The following VPS16 variants were observed in gnomAD, a reference collection of about 807,000 sequenced individuals.
VPS16 encodes the protein vacuolar protein sorting-associated protein 16 homolog.
In VPS16, 82 loss-of-function variants were observed where a neutral mutation model predicts 116.0. That is an observed-to-expected ratio of 0.71 (90% CI 0.59 to 0.85). The LOEUF (loss-of-function observed/expected upper bound fraction) is 0.85. Ranked by LOEUF, VPS16 falls within the 40% of genes least tolerant of loss-of-function variation. The pLI, the probability that VPS16 is intolerant of heterozygous loss-of-function variation, is 0.00. For missense variants in VPS16, 928 were observed against 1,090.6 expected, an observed-to-expected ratio of 0.85 and a Z score of 2.10; for synonymous variants, 406 against 420.7, an observed-to-expected ratio of 0.96 and a Z score of 0.43.
At chr20:2,841,985 C>T (rs1291171373) in intron 1 of VPS16, among the ~76,000 whole-genome samples, 1 of 152,114 alleles carries the variant, frequency 6.6e-6, no homozygotes, top group African/African-American at 2.4e-5. Context: ...GAACTTCTGA[C>T]CTTAAGCAAT....
intron 1 of VPS16, among the ~76,000 whole-genome samples, chr20:2,842,907 T>TCTATCGATAGATA (rs1240433377): frequency 3.2e-4 from 49 of 151,186 alleles, no homozygotes; most frequent in African/African-American, 6.3e-4. Flanking sequence ...GATAGATATA[T>TCTATCGATAGATA]GTTATGGATT....
At chr20:2,861,511 A>T in intron 8 of VPS16, 104 bp from the exon 9 acceptor site, 1 of 1,411,020 alleles carries the variant, frequency 7.1e-7, no homozygotes, top group African/African-American at 1.4e-5. Context: ...ACAGTCAGTG[A>T]TGCAAGTGTA....
Position 2,847,686 on chromosome 20 carries a change from T to C in VPS16, c.53+6859T>C, listed in dbSNP as rs138743060. On this transcript the variant is annotated intron_variant, in intron 1 of 23. Transcript: ENST00000380445. ...TAGAGACGAGGTTTCACCATGTTGG[T>C]AAGGATGGTCTTGATCTCCTGACCT... 5.2e-3 allele frequency among the ~76,000 whole-genome samples: 797 copies of C among 152,026 alleles called. 5 individuals carry two copies. Among genetic ancestry groups the C allele is most frequent in the African/African-American group, 0.018 (737 of 41,458 alleles).
Position 2,864,800 on chromosome 20 carries a change from TGGG to T in VPS16, c.1926+149_1926+151del, listed in dbSNP as rs1226750643. On this transcript the variant is annotated intron_variant, in intron 19 of 23. Transcript: ENST00000380445. This position sits in a 1 kb window ranked among gnomAD's most constrained non-coding sequence, Gnocchi z 5.2. ...GGGAGACTCTGACGTGAGGCCAGGATGGGGGTTAGTGTCAGAGGAGCTAGCCAT... is the reference window on the plus strand; with the variant it reads ...GGGAGACTCTGACGTGAGGCCAGGATGGTTAGTGTCAGAGGAGCTAGCCAT... 8.7e-7 allele frequency: 1 copy of T among 1,143,918 alleles called. No homozygotes were observed. Among genetic ancestry groups the T allele is most frequent in the East Asian group, 2.4e-5 (1 of 40,944 alleles). The allele number at this position is 1,143,918 out of a possible 1,614,324, so 70.9% of individuals were successfully genotyped here. A position where few individuals can be genotyped will look rare whatever the true frequency, so the allele number is the denominator to read the frequency against.
In VPS16 at chr20:2,842,773, T is replaced by G. The variant is rs1252875172; in HGVS notation, c.53+1946T>G. On this transcript the variant is annotated intron_variant, in intron 1 of 23. Transcript: ENST00000380445. ...AGATGTATCTATCTATAGATAGACA[T>G]ATAGATGTATCTATCTATAGATAGA... Among the ~76,000 whole-genome samples the G allele has an allele frequency of 5.5e-3, 19 of 3,468 alleles. 1 individual carries two copies. Among genetic ancestry groups the G allele is most frequent in the African/African-American group, 0.036 (19 of 530 alleles). The allele number at this position is 3,468 out of a possible 152,430, so 2.3% of individuals were successfully genotyped here. A position where few individuals can be genotyped will look rare whatever the true frequency, so the allele number is the denominator to read the frequency against.
chr20:2,863,505 G>C lies in VPS16; in HGVS notation c.1476+107G>C. 8.8e-7 allele frequency: 1 copy of C among 1,141,560 alleles called. No homozygotes were observed. The highest frequency in any genetic ancestry group is 1.3e-6 in the Non-Finnish European group (1 of 786,808). 70.7% of individuals were successfully genotyped at this position (1,141,560 alleles called of 1,614,324 possible). On this transcript the variant is annotated intron_variant, in intron 15 of 23. Transcript: ENST00000380445. This position sits in a 1 kb window ranked among gnomAD's most constrained non-coding sequence, Gnocchi z 4.4. ...GCGCTGGGCACGGTGGCTCATGCCTGTAATCCCAACACTTTGGGAGGCTGA... is the reference window on the plus strand; with the variant it reads ...GCGCTGGGCACGGTGGCTCATGCCTCTAATCCCAACACTTTGGGAGGCTGA...
Position 2,861,844 on chromosome 20 carries a change from C to T in VPS16, c.939C>T (p.Leu313=), listed in dbSNP as rs567436223. The T allele has an allele frequency of 5.6e-6, 9 of 1,613,888 alleles. No homozygotes were observed. The highest frequency in any genetic ancestry group is 2.2e-5 in the East Asian group (1 of 44,876). ...AGGACTCCTACCTGGTGCCTGAGCTCGATGGGGTCCGCATCTTCTCCCGCA... is the reference window on the plus strand; with the variant it reads ...AGGACTCCTACCTGGTGCCTGAGCTTGATGGGGTCCGCATCTTCTCCCGCA... The part of the protein sequence containing the change: ...LDEDSYLVPE[L]DGVRIFSRST... Residue 313 remains leucine, a synonymous_variant, in exon 10 of 24, where the codon CTC becomes CTT. Transcript: ENST00000380445.
chr20:2,842,533 G>A (rs557809221), intron 1 of VPS16, among the ~76,000 whole-genome samples: 1 of 151,694 alleles, frequency 6.6e-6, no homozygotes, highest in South Asian at 2.1e-4. Flanking sequence ...CTTGAACCTG[G>A]GAGGCGGAGG....
At chr20:2,862,507 CA>C (rs1423281536) in intron 11 of VPS16, 71 bp from the exon 12 acceptor site, 1 of 1,569,878 alleles carries the variant, frequency 6.4e-7, no homozygotes, top group East Asian at 2.3e-5. Flanking sequence ...AACCACAACC[CA>C]GAATGGTTAG....
intron 1 of VPS16, 73 bp from the exon 2 acceptor site, chr20:2,859,646 G>T: frequency 6.6e-7 from 1 of 1,510,128 alleles, no homozygotes; most frequent in South Asian, 1.2e-5. Context: ...GAGGCTTTAG[G>T]AATTCCTCTG....
rs529582383 is a variant in VPS16 at position 2,865,421 on chromosome 20, G to T, written c.2197G>T (p.Ala733Ser). 6.2e-7 allele frequency: 1 copy of T among 1,614,188 alleles called. No homozygotes were observed. The highest frequency in any genetic ancestry group is 1.7e-5 in the Admixed American group (1 of 60,028). ...CAGGCTCTGGTGGCTGAAGCTGACT[G>T]CCCTGGCAGATTTGGAAGATTGGGA... Reference protein sequence around the residue: ...DKRLWWLKLTALADLEDWEEL... With the variant: ...DKRLWWLKLTSLADLEDWEEL... The change falls in exon 22 of 24, where the codon GCC becomes TCC. Residue 733 changes from alanine to serine, a missense_variant. Physicochemically the swap from Ala to Ser is moderately conservative, Grantham distance 99. Coordinates refer to ENST00000380445, the MANE Select transcript of VPS16 (RefSeq NM_022575.4). The surrounding 1 kb of genome is among the most constrained non-coding windows in gnomAD (Gnocchi z 5.2).
Position 2,865,900 on chromosome 20 carries a change from CAA to C in VPS16, c.2272-311_2272-310del, listed in dbSNP as rs2089332811. The C allele has an allele frequency of 8.3e-6, 4 of 479,464 alleles. No homozygotes were observed. In the East Asian group the frequency reaches 1.2e-4, roughly 14 times the overall value. The allele number at this position is 479,464 out of a possible 1,614,324, so 29.7% of individuals were successfully genotyped here. A position where few individuals can be genotyped will look rare whatever the true frequency, so the allele number is the denominator to read the frequency against. Reference sequence around the variant, plus strand: ...AGGGCAGGTTTGAGAATGTCAATCACAAGAGAACACAGGAAATGTGAGGGCTG... The same window carrying C: ...AGGGCAGGTTTGAGAATGTCAATCACGAGAACACAGGAAATGTGAGGGCTG... On this transcript the variant is annotated intron_variant, in intron 22 of 23. Transcript: ENST00000380445. The surrounding 1 kb of genome is among the most constrained non-coding windows in gnomAD (Gnocchi z 5.2).
chr20:2,858,365 C>T (rs1313546720), intron 1 of VPS16, among the ~76,000 whole-genome samples: 1 of 152,104 alleles, frequency 6.6e-6, no homozygotes, highest in African/African-American at 2.4e-5. Flanking sequence ...CTTCGGCCCC[C>T]TAAAGTGCTC....
At chr20:2,840,931 C>A in intron 1 of VPS16, 104 bp downstream of exon 1, 2 of 1,131,894 alleles carry the variant, frequency 1.8e-6, no homozygotes, top group Non-Finnish European at 2.5e-6. Context: ...CGCTGGGGTC[C>A]GCCCCGCGCC....
At chr20:2,852,910 T>TA (rs1343422446) in intron 1 of VPS16, among the ~76,000 whole-genome samples, 1 of 152,246 alleles carries the variant, frequency 6.6e-6, no homozygotes, top group Non-Finnish European at 1.5e-5. Flanking sequence ...CAGTGGGCTC[T>TA]TCCTTTCATG....
intron 1 of VPS16, among the ~76,000 whole-genome samples, chr20:2,842,720 A>C (rs374993344): frequency 0.019 from 1,174 of 63,096 alleles, 173 homozygotes; most frequent in African/African-American, 0.076. Context: ...AGATAGACAT[A>C]TGGATGTATC....
chr20:2,841,712 A>G (rs957404443), intron 1 of VPS16, among the ~76,000 whole-genome samples: 1 of 151,158 alleles, frequency 6.6e-6, no homozygotes, highest in Non-Finnish European at 1.5e-5. Context: ...TATTTAGGCG[A>G]CATTTGTATA....
chr20:2,842,524 T>C lies in VPS16; in HGVS notation c.53+1697T>C, dbSNP rs539579617. ...TGGGAGGCTGAGGCAGGAGAATCGC[T>C]TGAACCTGGGAGGCGGAGGTTGCAG... On this transcript the variant is annotated intron_variant, in intron 1 of 23. Transcript: ENST00000380445. 1.3e-4 allele frequency among the ~76,000 whole-genome samples: 19 copies of C among 151,702 alleles called. No individual in the cohort carries two copies. The South Asian group carries it at 3.8e-3, about 30-fold the overall frequency.
intron 1 of VPS16, among the ~76,000 whole-genome samples, chr20:2,855,194 G>A (rs1207554464): frequency 6.6e-6 from 1 of 151,868 alleles, no homozygotes; most frequent in African/African-American, 2.4e-5. Context: ...TCCTGACCTT[G>A]TGAACTGCCT....
Sources: gnomAD v4.1 joint callset for allele counts (sites outside exome capture counted in the v4.1 genomes callset) on GRCh38, gnomAD v4.1.1 for gene constraint, Gnocchi (gnomAD v3.1) non-coding constraint, MANE v1.5 for transcripts, NCBI Gene and HGNC (gene_info 2026-07-23, HGNC 2026-07-21) for gene names.